Variants in SYBU observed in about 807,000 individuals in gnomAD.
The protein encoded by SYBU is GOLSYN A protein.
A neutral mutation model predicts 35.9 loss-of-function variants in SYBU; 21 were observed. The ratio of observed to expected loss-of-function variants is 0.58; its 90% CI spans 0.41 to 0.84. SYBU has a LOEUF of 0.84. Ranked by LOEUF, SYBU falls within the 40% of genes least tolerant of loss-of-function variation. The probability of loss-of-function intolerance (pLI) is 0.00; values close to 1 mark genes in which losing one functional copy is unlikely to be tolerated. For synonymous variants in SYBU, 319 were observed against 324.3 expected (o/e 0.98, Z 0.18); for missense variants, 768 against 848.2 (o/e 0.91, Z 1.17).
intron 1 of SYBU, among the ~76,000 whole-genome samples, chr8:109,652,064 G>A (rs942612579): frequency 6.6e-6 from 1 of 152,102 alleles, no homozygotes; most frequent in Non-Finnish European, 1.5e-5. Context: ...TCAGCCACTA[G>A]TTCCGAAGTA....
intron 3 of SYBU, among the ~76,000 whole-genome samples, chr8:109,606,520 T>C (rs1301155471): frequency 1.3e-5 from 2 of 152,134 alleles, no homozygotes; most frequent in African/African-American, 2.4e-5. Flanking sequence ...GCAGATCCAC[T>C]GAGAAAGGGA....
At chr8:109,604,520 C>G (rs116892901) in intron 3 of SYBU, among the ~76,000 whole-genome samples, 3 of 152,092 alleles carry the variant, frequency 2.0e-5, no homozygotes, top group African/African-American at 7.2e-5. Context: ...TTTAAAAAAA[C>G]AAATGAGTAG....
At chr8:109,668,867 T>C (rs1816863195) in intron 1 of SYBU, among the ~76,000 whole-genome samples, 1 of 152,194 alleles carries the variant, frequency 6.6e-6, no homozygotes, top group Non-Finnish European at 1.5e-5. Context: ...GATGAATATT[T>C]TATGAAAATT....
At position 109,584,467 on chromosome 8, in the gene SYBU, C is replaced by T. The variant is rs1823389769; in HGVS notation, c.530+1593G>A. On this transcript the variant is annotated intron_variant, in intron 4 of 6. Transcript: ENST00000276646. The surrounding 1 kb of genome is among the most constrained non-coding windows in gnomAD (Gnocchi z 4.0). ...TTCTATATTGTTTGATACTTTGTTC[C>T]ATGTGTATGTCATAATTTCTTGAGT... Among the ~76,000 whole-genome samples the T allele has an allele frequency of 6.6e-6, 1 of 152,034 alleles. No homozygotes were observed. The highest frequency in any genetic ancestry group is 2.4e-5 in the African/African-American group (1 of 41,400).
At chr8:109,588,651 T>C (rs1823888476) in intron 3 of SYBU, among the ~76,000 whole-genome samples, 1 of 152,202 alleles carries the variant, frequency 6.6e-6, no homozygotes, top group South Asian at 2.1e-4. Context: ...TCTGATATAC[T>C]TTCTTCATGT....
At chr8:109,681,496 T>G (rs927060405), upstream of SYBU, among the ~76,000 whole-genome samples, 1 of 152,216 alleles carries the variant, frequency 6.6e-6, no homozygotes, top group African/African-American at 2.4e-5. Context: ...AAAGCAGGGA[T>G]TGCTATGTAA....
At chr8:109,620,388 C>T (rs1294720865) in intron 2 of SYBU, among the ~76,000 whole-genome samples, 1 of 152,186 alleles carries the variant, frequency 6.6e-6, no homozygotes, top group African/African-American at 2.4e-5. Context: ...TCTTAAAACT[C>T]TACAGCTTGA....
intron 2 of SYBU, among the ~76,000 whole-genome samples, chr8:109,634,616 C>T (rs1039388261): frequency 6.6e-6 from 1 of 152,156 alleles, no homozygotes; most frequent in African/African-American, 2.4e-5. Context: ...GGTTTACAGT[C>T]TTGGGGAATC....
chr8:109,650,831 G>A (rs950021905), intron 1 of SYBU, among the ~76,000 whole-genome samples: 1 of 152,034 alleles, frequency 6.6e-6, no homozygotes, highest in African/African-American at 2.4e-5. Flanking sequence ...TCTTAAAAAA[G>A]GATACTAAAC....
At chr8:109,673,948 T>C (rs1817083665) in intron 1 of SYBU, among the ~76,000 whole-genome samples, 1 of 152,044 alleles carries the variant, frequency 6.6e-6, no homozygotes, top group Non-Finnish European at 1.5e-5. Context: ...AAGATCAACT[T>C]AATGAAATAA....
upstream of SYBU, chr8:109,646,387 G>A (rs1199492101): frequency 6.6e-6 from 1 of 152,224 alleles, no homozygotes; most frequent in African/African-American, 2.4e-5. Flanking sequence ...AGAGCCTGAA[G>A]CCAGAGGATT....
At chr8:109,652,738 A>T (rs951071098) in intron 1 of SYBU, among the ~76,000 whole-genome samples, 5 of 152,224 alleles carry the variant, frequency 3.3e-5, no homozygotes, top group African/African-American at 1.2e-4. Flanking sequence ...GAAAACTTTC[A>T]AAATATACGG....
chr8:109,644,697 C>A lies in SYBU; in HGVS notation c.-38G>T, dbSNP rs769265528. The stretch of plus-strand genomic sequence containing the variant: ...CGCCGGCTCCTCGCGCCGCCGCTGC[C>A]GCCGTCCAGGAGGAGGCACCTGCGA... On this transcript the variant is annotated 5_prime_UTR_variant, in exon 1 of 7. Transcript: ENST00000276646. 27 of 1,495,422 alleles carry A rather than the reference C, an allele frequency of 1.8e-5. No homozygotes were observed. In the East Asian group the frequency reaches 5.6e-4, roughly 31 times the overall value. 92.6% of individuals were successfully genotyped at this position (1,495,422 alleles called of 1,614,324 possible). A position where few individuals can be genotyped will look rare whatever the true frequency, so the allele number is the denominator to read the frequency against.
chr8:109,657,672 C>G (rs1816405889), intron 1 of SYBU, among the ~76,000 whole-genome samples: 1 of 152,154 alleles, frequency 6.6e-6, no homozygotes, highest in Non-Finnish European at 1.5e-5. Flanking sequence ...TTTTCAGAAT[C>G]ACTGCCAAAC....
chr8:109,615,425 C>T (rs976079597), intron 3 of SYBU, among the ~76,000 whole-genome samples: 6 of 152,062 alleles, frequency 3.9e-5, no homozygotes, highest in Non-Finnish European at 7.4e-5. Flanking sequence ...AGGGGCCTCG[C>T]TTCCAGGATT....
At chr8:109,617,578 C>T (rs1180991839) in intron 3 of SYBU, among the ~76,000 whole-genome samples, 4 of 152,186 alleles carry the variant, frequency 2.6e-5, no homozygotes, top group African/African-American at 9.7e-5. Flanking sequence ...GCTAAAATTT[C>T]ATGACATTCT....
chr8:109,623,199 G>A (rs1032198642), intron 2 of SYBU, among the ~76,000 whole-genome samples: 1 of 152,138 alleles, frequency 6.6e-6, no homozygotes, highest in Non-Finnish European at 1.5e-5. Flanking sequence ...CCTTCCAGGG[G>A]CTGCTATTTT....
intron 2 of SYBU, among the ~76,000 whole-genome samples, chr8:109,637,601 G>C (rs60412670): frequency 0.03 from 4,575 of 152,120 alleles, 229 homozygotes; most frequent in African/African-American, 0.1. Flanking sequence ...AAATTCACAG[G>C]AGGGTAGCAG....
chr8:109,688,626 A>G (rs1419965357), intron 1 of SYBU, among the ~76,000 whole-genome samples: 2 of 152,100 alleles, frequency 1.3e-5, no homozygotes, highest in Non-Finnish European at 2.9e-5. Context: ...ATCTTTATGA[A>G]CATCAGTTTT....
Sources: gnomAD v4.1 joint callset for allele counts (sites outside exome capture counted in the v4.1 genomes callset) on GRCh38, gnomAD v4.1.1 for gene constraint, Gnocchi (gnomAD v3.1) non-coding constraint, MANE v1.5 for transcripts, NCBI Gene and HGNC (gene_info 2026-07-23, HGNC 2026-07-21) for gene names.